The following RBM45 variants were observed in gnomAD, a reference collection of about 807,000 sequenced individuals.
RBM45 encodes RNA binding motif protein 45.
Under a neutral mutation model 58.5 loss-of-function variants are expected in RBM45, and 39 were observed. That is an observed-to-expected ratio of 0.67 (90% CI 0.52 to 0.87). RBM45 has a LOEUF of 0.87. Ranked by LOEUF, RBM45 falls within the 40% of genes least tolerant of loss-of-function variation. The probability of loss-of-function intolerance (pLI) is 0.00; values close to 1 mark genes in which losing one functional copy is unlikely to be tolerated. For synonymous variants in RBM45, 193 were observed against 203.0 expected (o/e 0.95, Z 0.42); for missense variants, 481 against 581.6 (o/e 0.83, Z 1.78).
At chr2:178,132,654 G>T (rs148465920), downstream of RBM45, among the ~76,000 whole-genome samples, 3,275 of 152,142 alleles carry the variant, frequency 0.022, 80 homozygotes, top group African/African-American at 0.063. Context: ...ACAATGGTGC[G>T]ATCTCAGCTC....
At chr2:178,115,854 A>T (rs964896472) in intron 1 of RBM45, among the ~76,000 whole-genome samples, 6 of 152,082 alleles carry the variant, frequency 3.9e-5, no homozygotes, top group Non-Finnish European at 5.9e-5. Flanking sequence ...ATTATCTCAT[A>T]AAAAAAAGTC....
intron 4 of RBM45, 145 bp downstream of exon 4, chr2:178,120,554 TG>T: frequency 4.4e-6 from 3 of 680,616 alleles, no homozygotes; most frequent in Non-Finnish European, 6.8e-6. Context: ...TCCTAAAATG[TG>T]GATTATGACT....
intron 1 of RBM45, among the ~76,000 whole-genome samples, chr2:178,114,219 C>T (rs1053147307): frequency 2.0e-5 from 3 of 152,158 alleles, no homozygotes; most frequent in African/African-American, 7.2e-5. Flanking sequence ...ACATCATGGG[C>T]TATACCAAAA....
At chr2:178,116,239 T>C (rs751485041) in intron 1 of RBM45, 23 bp from the exon 2 acceptor site, 2 of 1,548,302 alleles carry the variant, frequency 1.3e-6, no homozygotes, top group East Asian at 2.3e-5. Context: ...TATTTTATTT[T>C]GGGAGTTTTG....
At chr2:178,134,695 A>T (rs2088031171) in intron 3 of RBM45, among the ~76,000 whole-genome samples, 1 of 152,080 alleles carries the variant, frequency 6.6e-6, no homozygotes, top group African/African-American at 2.4e-5. Context: ...TCTCTTTGTC[A>T]ACAAAGCCTA....
chr2:178,136,709 C>G (rs751538885), exon 4 of RBM45: 17 of 152,316 alleles, frequency 1.1e-4, no homozygotes, highest in Non-Finnish European at 1.5e-4. Flanking sequence ...GCCCTGAGAA[C>G]TTTGATCTTA....
chr2:178,112,470 T>A lies in RBM45; in HGVS notation c.-77T>A, dbSNP rs2087714075. ...AGCGGAGCACCGAGCCGGCAAAGGC[T>A]TGGGTGTGAGACAGCAGCGGTGGCA... is the stretch of plus-strand genomic sequence containing the variant. On this transcript the variant is annotated 5_prime_UTR_variant, in exon 1 of 10. The change creates a new upstream start codon in the 5' untranslated region. Coordinates refer to ENST00000286070, the MANE Select transcript of RBM45 (RefSeq NM_152945.4). 4 of 1,381,048 alleles carry A rather than the reference T, an allele frequency of 2.9e-6. No individual in the cohort carries two copies. Among genetic ancestry groups the A allele is most frequent in the Non-Finnish European group, 1.0e-6 (1 of 997,612 alleles). 85.5% of individuals were successfully genotyped at this position (1,381,048 alleles called of 1,614,324 possible). A position where few individuals can be genotyped will look rare whatever the true frequency, so the allele number is the denominator to read the frequency against.
intron 2 of RBM45, among the ~76,000 whole-genome samples, chr2:178,116,917 T>A (rs967150085): frequency 1.3e-5 from 2 of 152,126 alleles, no homozygotes; most frequent in Non-Finnish European, 2.9e-5. Flanking sequence ...GAAGAGTTTT[T>A]GTCCTAAAAT....
chr2:178,123,476 AC>A (rs1176172784), intron 5 of RBM45, 45 bp from the exon 6 acceptor site: 19 of 1,523,382 alleles, frequency 1.2e-5, no homozygotes, highest in Non-Finnish European at 1.7e-5. Flanking sequence ...GGCCTTAGGC[AC>A]TCAGTCTGCT....
chr2:178,124,882 C>T (rs2087907032), intron 8 of RBM45, among the ~76,000 whole-genome samples: 1 of 152,062 alleles, frequency 6.6e-6, no homozygotes, highest in Non-Finnish European at 1.5e-5. Context: ...AAGGGTTATG[C>T]AGTCGCATTG....
intron 8 of RBM45, among the ~76,000 whole-genome samples, chr2:178,124,511 T>C (rs2087900221): frequency 6.6e-6 from 1 of 152,178 alleles, no homozygotes; most frequent in South Asian, 2.1e-4. Context: ...TCCTGCTATT[T>C]TGTTTTTGAA....
intron 5 of RBM45, 42 bp downstream of exon 5, chr2:178,121,401 TATACACACAC>T: frequency 6.7e-6 from 4 of 595,054 alleles, no homozygotes; most frequent in African/African-American, 2.6e-5. Context: ...TATATGTATA[TATACACACAC>T]ACACACACAC....
At position 178,112,523 on chromosome 2, in the gene RBM45, G is replaced by T. The variant is rs780490166; in HGVS notation, c.-24G>T. The stretch of plus-strand genomic sequence containing the variant: ...CACCGCAGAAGCAAAGAGCAGTGAG[G>T]CTCCTGCATTCGGGTGGAGCACCAT... On this transcript the variant is annotated 5_prime_UTR_variant, in exon 1 of 10. Transcript: ENST00000286070. The T allele has an allele frequency of 6.2e-7, 1 of 1,601,284 alleles. No homozygotes were observed. The highest frequency in any genetic ancestry group is 1.7e-5 in the Admixed American group (1 of 59,456).
At position 178,118,991 on chromosome 2, in the gene RBM45, A is replaced by G. The variant is rs1208634616; in HGVS notation, c.550+810A>G. Among the ~76,000 whole-genome samples the G allele has an allele frequency of 2.6e-5, 4 of 152,152 alleles. 1 individual carries two copies. Among genetic ancestry groups the G allele is most frequent in the African/African-American group, 9.7e-5 (4 of 41,400 alleles). On this transcript the variant is annotated intron_variant, in intron 3 of 9. Transcript: ENST00000286070. The stretch of plus-strand genomic sequence containing the variant: ...CTAAGTAGAGGGATACAGATGAAGT[A>G]TATGGCAGCCCTCACATTTAAGGAA...
At chr2:178,113,475 G>A (rs1017745002) in intron 1 of RBM45, among the ~76,000 whole-genome samples, 6 of 150,852 alleles carry the variant, frequency 4.0e-5, no homozygotes, top group Non-Finnish European at 8.8e-5. Flanking sequence ...GTTTCTGAAA[G>A]TGTTAATAGC....
intron 4 of RBM45, 116 bp from the exon 5 acceptor site, chr2:178,121,064 C>A: frequency 2.0e-6 from 1 of 500,522 alleles, no homozygotes. Context: ...AAGCGTACTA[C>A]AAAATACAGT....
intron 1 of RBM45, 135 bp downstream of exon 1, chr2:178,112,981 G>C: frequency 1.1e-6 from 1 of 920,958 alleles, no homozygotes; most frequent in Non-Finnish European, 1.6e-6. Context: ...CACCTGGCTT[G>C]GGGACAGGGG....
chr2:178,134,731 C>T (rs1275735321), intron 3 of RBM45, among the ~76,000 whole-genome samples: 1 of 152,110 alleles, frequency 6.6e-6, no homozygotes, highest in African/African-American at 2.4e-5. Context: ...GTGGCTGACG[C>T]CTGTAATCTC....
At chr2:178,122,844 G>A (rs1426430167) in intron 5 of RBM45, among the ~76,000 whole-genome samples, 1 of 152,018 alleles carries the variant, frequency 6.6e-6, no homozygotes, top group Admixed American at 6.6e-5. Context: ...AATTATAAGT[G>A]TTTCCCCAGT....
Sources: allele counts gnomAD v4.1 joint callset (sites outside exome capture counted in the v4.1 genomes callset), GRCh38; gene constraint gnomAD v4.1.1; transcripts MANE v1.5; gene names NCBI Gene and HGNC (gene_info 2026-07-23, HGNC 2026-07-21).